Variants in LDAH observed in about 807,000 individuals in gnomAD.
The protein encoded by LDAH is lipid droplet associated hydrolase.
LDAH carries 26 observed loss-of-function variants against 29.6 expected under a neutral mutation model. That is an observed-to-expected ratio of 0.88 (90% CI 0.64 to 1.22). The LOEUF is 1.22. LDAH is among the 50% of genes most tolerant of loss of function. The pLI is 0.00. For synonymous variants in LDAH, 117 were observed against 133.0 expected (o/e 0.88, Z 0.83); for missense variants, 344 against 387.3 (o/e 0.89, Z 0.94).
At chr2:20,716,570 C>T (rs2149387743) in intron 5 of LDAH, among the ~76,000 whole-genome samples, 1 of 143,784 alleles carries the variant, frequency 7.0e-6, no homozygotes, top group South Asian at 2.4e-4. Context: ...CACAGTGGGG[C>T]CTGTCGTGGG....
chr2:20,734,311 A>G (rs1464197226), intron 5 of LDAH, among the ~76,000 whole-genome samples: 1 of 152,104 alleles, frequency 6.6e-6, no homozygotes, highest in African/African-American at 2.4e-5. Flanking sequence ...ATCATGGATG[A>G]TCATTTTATT....
chr2:20,685,553 G>C lies in LDAH; in HGVS notation c.*1350C>G. The stretch of plus-strand genomic sequence containing the variant: ...TAACTCATTCAGCACTTACCAATAA[G>C]TTGGCAGCAAATCAGAGCCAAATCT... On this transcript the variant is annotated 3_prime_UTR_variant, in exon 7 of 7. Transcript: ENST00000237822. 1.9e-6 allele frequency: 3 copies of C among 1,550,372 alleles called. No homozygotes were observed. Among genetic ancestry groups the C allele is most frequent in the Non-Finnish European group, 2.6e-6 (3 of 1,146,940 alleles).
intron 1 of LDAH, among the ~76,000 whole-genome samples, chr2:20,808,037 A>G (rs1672198459): frequency 6.6e-6 from 1 of 152,152 alleles, no homozygotes; most frequent in Non-Finnish European, 1.5e-5. Context: ...ATATTTCTAC[A>G]TACCAGCAAC....
At chr2:20,760,686 C>A (rs907516445) in intron 4 of LDAH, among the ~76,000 whole-genome samples, 2 of 152,184 alleles carry the variant, frequency 1.3e-5, no homozygotes, top group Non-Finnish European at 2.9e-5. Flanking sequence ...ATATAGGCCG[C>A]CCAACATAGA....
At chr2:20,736,592 A>G (rs111317285) in intron 5 of LDAH, among the ~76,000 whole-genome samples, 4,769 of 152,242 alleles carry the variant, frequency 0.031, 253 homozygotes, top group African/African-American at 0.11. Context: ...TGAGAAACTG[A>G]AGACACAGGA....
chr2:20,713,406 C>T (rs574871680), intron 5 of LDAH, among the ~76,000 whole-genome samples: 88 of 152,286 alleles, frequency 5.8e-4, no homozygotes, highest in African/African-American at 2.0e-3. Flanking sequence ...TGGAAAGAAA[C>T]AACCGGTACC....
chr2:20,703,768 T>A (rs913450342), intron 5 of LDAH, among the ~76,000 whole-genome samples: 19 of 152,198 alleles, frequency 1.2e-4, no homozygotes, highest in Non-Finnish European at 1.3e-4. Context: ...TTCACTGCCT[T>A]CTTGGGTTGT....
At chr2:20,812,187 C>G (rs1672545268) in intron 1 of LDAH, among the ~76,000 whole-genome samples, 1 of 152,184 alleles carries the variant, frequency 6.6e-6, no homozygotes, top group Non-Finnish European at 1.5e-5. Context: ...AGAACTAAAG[C>G]TCAAGAGAGA....
intron 5 of LDAH, among the ~76,000 whole-genome samples, chr2:20,730,483 A>AT (rs112778374): frequency 0.067 from 10,160 of 151,976 alleles, 401 homozygotes; most frequent in Non-Finnish European, 0.093. Context: ...ATGGTTGCTG[A>AT]TTTTTTTTAT....
intron 4 of LDAH, among the ~76,000 whole-genome samples, chr2:20,758,688 T>C (rs1204282087): frequency 6.6e-6 from 1 of 152,072 alleles, no homozygotes; most frequent in Non-Finnish European, 1.5e-5. Context: ...AGGAAAGAGT[T>C]CACACAGGAG....
chr2:20,799,898 A>AT (rs1558490701), intron 2 of LDAH, among the ~76,000 whole-genome samples: 1 of 152,212 alleles, frequency 6.6e-6, no homozygotes, highest in African/African-American at 2.4e-5. Flanking sequence ...ATAAAACTGC[A>AT]TTTATTAAAA....
At chr2:20,772,577 C>T (rs1669505987) in intron 4 of LDAH, among the ~76,000 whole-genome samples, 5 of 152,136 alleles carry the variant, frequency 3.3e-5, no homozygotes. Context: ...TATTCATGCC[C>T]TTGTGTAATT....
chr2:20,780,185 T>C (rs1670095117), intron 3 of LDAH, among the ~76,000 whole-genome samples: 1 of 152,222 alleles, frequency 6.6e-6, no homozygotes, highest in East Asian at 1.9e-4. Flanking sequence ...TATTTAACAC[T>C]GCTATCTTAT....
At position 20,801,578 on chromosome 2, in the gene LDAH, C is replaced by T. The variant is rs929481546; in HGVS notation, c.-2-113G>A. ...GTTTCAATATACCTAGAAGGAAATG[C>T]CACAAGGACATCTGGGAAACTATAA... On this transcript the variant is annotated intron_variant, in intron 1 of 6. Coordinates refer to ENST00000237822, the MANE Select transcript of LDAH (RefSeq NM_021925.4). 2.2e-5 allele frequency: 18 copies of T among 809,582 alleles called. No individual in the cohort carries two copies. The South Asian group carries it at 3.0e-4, about 13-fold the overall frequency. The allele number at this position is 809,582 out of a possible 1,614,324, so 50.1% of individuals were successfully genotyped here. A position where few individuals can be genotyped will look rare whatever the true frequency, so the allele number is the denominator to read the frequency against.
intron 5 of LDAH, among the ~76,000 whole-genome samples, chr2:20,720,303 TA>T (rs989126847): frequency 2.6e-5 from 4 of 152,104 alleles, no homozygotes; most frequent in African/African-American, 9.6e-5. Context: ...CAGCAGTGTT[TA>T]TATACGTTTA....
intron 6 of LDAH, among the ~76,000 whole-genome samples, chr2:20,699,435 C>T (rs1055628474): frequency 1.3e-5 from 2 of 152,138 alleles, no homozygotes; most frequent in Non-Finnish European, 1.5e-5. Context: ...TCAACTTCTA[C>T]CAATATTAAA....
intron 6 of LDAH, among the ~76,000 whole-genome samples, chr2:20,692,049 G>A (rs945860014): frequency 1.3e-5 from 2 of 152,132 alleles, no homozygotes; most frequent in Admixed American, 1.3e-4. Context: ...AGCACTGTTG[G>A]ACAGTGAATT....
intron 4 of LDAH, among the ~76,000 whole-genome samples, chr2:20,747,362 A>G (rs956130534): frequency 4.6e-5 from 7 of 152,118 alleles, no homozygotes; most frequent in African/African-American, 1.7e-4. Context: ...TATTTATGGC[A>G]GGGTGCTTCT....
intron 5 of LDAH, among the ~76,000 whole-genome samples, chr2:20,709,042 G>A (rs1207673290): frequency 3.9e-5 from 6 of 152,162 alleles, no homozygotes; most frequent in African/African-American, 1.4e-4. Flanking sequence ...AAGATGTACA[G>A]GTTGAGTATC....
Sources: allele counts gnomAD v4.1 joint callset (sites outside exome capture counted in the v4.1 genomes callset), GRCh38; gene constraint gnomAD v4.1.1; transcripts MANE v1.5; gene names NCBI Gene and HGNC (gene_info 2026-07-23, HGNC 2026-07-21).